Variants in NEK10 observed in about 807,000 individuals in gnomAD.
The protein encoded by NEK10 is NIMA related kinase 10.
A neutral mutation model predicts 159.8 loss-of-function variants in NEK10; 122 were observed. The observed-to-expected ratio is 0.76, with a 90% CI of 0.66 to 0.89. The LOEUF is 0.89. Ranked by LOEUF, NEK10 falls within the 40% of genes least tolerant of loss-of-function variation. The pLI is 0.00. For missense variants in NEK10, 1,342 were observed against 1,323.1 expected, an observed-to-expected ratio of 1.01 and a Z score of -0.22; for synonymous variants, 466 against 457.1, an observed-to-expected ratio of 1.02 and a Z score of -0.25.
intron 23 of NEK10, among the ~76,000 whole-genome samples, chr3:27,252,040 A>C (rs1309871915): frequency 6.6e-6 from 1 of 152,222 alleles, no homozygotes; most frequent in Non-Finnish European, 1.5e-5. Flanking sequence ...TAATATTAAA[A>C]AATGACTTGT....
intron 19 of NEK10, among the ~76,000 whole-genome samples, chr3:27,288,111 G>A (rs1323784624): frequency 6.6e-6 from 1 of 152,158 alleles, no homozygotes; most frequent in Non-Finnish European, 1.5e-5. Context: ...GTGAAATGCG[G>A]TAACTTCTGT....
At chr3:27,246,527 T>C (rs973630661) in intron 23 of NEK10, among the ~76,000 whole-genome samples, 50 of 152,340 alleles carry the variant, frequency 3.3e-4, no homozygotes, top group African/African-American at 1.2e-3. Flanking sequence ...AGGATATCCA[T>C]CACTTCAAGC....
chr3:27,286,882 G>C (rs563220742), intron 20 of NEK10, among the ~76,000 whole-genome samples: 1 of 152,166 alleles, frequency 6.6e-6, no homozygotes, highest in East Asian at 1.9e-4. Context: ...TACTGCATGA[G>C]TTTTAGCACT....
intron 31 of NEK10, among the ~76,000 whole-genome samples, chr3:27,140,984 AT>A (rs1271524105): frequency 6.6e-6 from 1 of 152,140 alleles, no homozygotes; most frequent in East Asian, 1.9e-4. Context: ...ATTAATAGCC[AT>A]TTTTTAGCAC....
intron 26 of NEK10, among the ~76,000 whole-genome samples, chr3:27,185,817 T>C (rs959709560): frequency 6.6e-6 from 1 of 152,172 alleles, no homozygotes; most frequent in Non-Finnish European, 1.5e-5. Flanking sequence ...GGTGATATAC[T>C]GACTGAATCA....
rs2043996245 is a variant in NEK10, at chr3:27,303,520, G to A, written c.1028+1227C>T. Among the ~76,000 whole-genome samples, 4 of 151,966 alleles carry A rather than the reference G, an allele frequency of 2.6e-5. No individual in the cohort carries two copies. The South Asian group carries it at 8.3e-4, about 32-fold the overall frequency. ...GGCAATTGTAATTATTTTGACCAAG[G>A]GGCTGGCTTATTATGTCACAGCACT... On this transcript the variant is annotated intron_variant, in intron 12 of 35. Coordinates refer to ENST00000691995, the MANE Select transcript of NEK10 (RefSeq NM_001394966.1).
Position 27,203,548 on chromosome 3 carries a change from C to A in NEK10, c.2091-991G>T, listed in dbSNP as rs1007293809. ...AAGCTTCCTCTAACATATATGTACA[C>A]TAAAAAACAGAGTACTAAAAGTACT... On this transcript the variant is annotated intron_variant, in intron 23 of 35. Transcript: ENST00000691995. Among the ~76,000 whole-genome samples the A allele has an allele frequency of 2.6e-5, 4 of 150,992 alleles. No homozygotes were observed. In the Admixed American group the frequency reaches 2.7e-4, roughly 10 times the overall value.
At chr3:27,150,223 A>T (rs1035861511) in intron 30 of NEK10, among the ~76,000 whole-genome samples, 4 of 152,202 alleles carry the variant, frequency 2.6e-5, no homozygotes, top group Non-Finnish European at 5.9e-5. Context: ...GCAAGGTAAG[A>T]TCTTCTTATG....
At chr3:27,125,607 C>G (rs1299137014) in intron 32 of NEK10, among the ~76,000 whole-genome samples, 1 of 152,132 alleles carries the variant, frequency 6.6e-6, no homozygotes, top group Non-Finnish European at 1.5e-5. Context: ...TTCTATGGGA[C>G]ATTTTGTTAA....
chr3:27,323,388 G>A (rs2045786387), intron 5 of NEK10, among the ~76,000 whole-genome samples: 1 of 152,144 alleles, frequency 6.6e-6, no homozygotes, highest in Non-Finnish European at 1.5e-5. Context: ...GTAGACTCAA[G>A]GAACCTGAGG....
intron 32 of NEK10, among the ~76,000 whole-genome samples, chr3:27,124,176 G>C (rs1941664143): frequency 6.6e-6 from 1 of 152,098 alleles, no homozygotes; most frequent in African/African-American, 2.4e-5. Context: ...CTGGATCCCA[G>C]AGTTTAGATG....
In NEK10 at chr3:27,162,255, C is replaced by T. The variant is rs115879389; in HGVS notation, c.2869+446G>A. 2,059 of 891,312 alleles carry T rather than the reference C, an allele frequency of 2.3e-3. 7 individuals carry two copies. Among genetic ancestry groups the T allele is most frequent in the Non-Finnish European group, 2.9e-3 (1,802 of 626,218 alleles). The allele number at this position is 891,312 out of a possible 1,614,324, so 55.2% of individuals were successfully genotyped here. ...AAATGCAAATTTTGGAAAAAACAGC[C>T]CATAATATTTCAACCAACAGTGAAC... On this transcript the variant is annotated intron_variant, in intron 30 of 35. Transcript: ENST00000691995.
chr3:27,200,024 T>C (rs1949913825), intron 25 of NEK10, among the ~76,000 whole-genome samples: 1 of 152,170 alleles, frequency 6.6e-6, no homozygotes, highest in Non-Finnish European at 1.5e-5. Context: ...GCTTAATAGC[T>C]GGGTGATGAA....
chr3:27,309,968 G>A (rs2044558355), intron 9 of NEK10: 1 of 152,020 alleles, frequency 6.6e-6, no homozygotes, highest in Non-Finnish European at 1.5e-5. Flanking sequence ...TTTCTTATTT[G>A]GAAAATTCTC....
intron 32 of NEK10, among the ~76,000 whole-genome samples, chr3:27,125,917 A>G (rs2125481143): frequency 6.6e-6 from 1 of 152,294 alleles, no homozygotes; most frequent in Non-Finnish European, 1.5e-5. Context: ...ACTTGACTCA[A>G]CACTGAAGGT....
chr3:27,162,464 G>A (rs746518834), intron 30 of NEK10: 2 of 1,614,050 alleles, frequency 1.2e-6, no homozygotes, highest in South Asian at 1.1e-5. Flanking sequence ...GTACTACCAT[G>A]ATCTTTGAGA....
intron 26 of NEK10, among the ~76,000 whole-genome samples, chr3:27,188,035 TCTC>T (rs1242090588): frequency 6.6e-6 from 1 of 152,156 alleles, no homozygotes; most frequent in African/African-American, 2.4e-5. Flanking sequence ...TCTTTTAACT[TCTC>T]CTGATTTCCC....
chr3:27,259,289 C>T (rs558199941), intron 22 of NEK10, among the ~76,000 whole-genome samples: 576 of 152,166 alleles, frequency 3.8e-3, no homozygotes, highest in African/African-American at 5.2e-3. Flanking sequence ...ATGAAGTCCT[C>T]GCCCATGCCT....
chr3:27,289,823 A>G (rs957537941), intron 19 of NEK10, among the ~76,000 whole-genome samples: 3 of 152,218 alleles, frequency 2.0e-5, no homozygotes, highest in African/African-American at 7.2e-5. Context: ...ACAATTAATG[A>G]TAATATTTAC....
Sources: allele counts gnomAD v4.1 joint callset (sites outside exome capture counted in the v4.1 genomes callset), GRCh38; gene constraint gnomAD v4.1.1; transcripts MANE v1.5; gene names NCBI Gene and HGNC (gene_info 2026-07-23, HGNC 2026-07-21).